IGFBP7: variants seen among roughly 807,000 people sequenced by gnomAD.
IGFBP7 encodes the protein insulin-like growth factor-binding protein 7.
Under a neutral mutation model 29.4 loss-of-function variants are expected in IGFBP7, and 31 were observed. The ratio of observed to expected loss-of-function variants is 1.05; its 90% CI spans 0.79 to 1.42. The LOEUF is 1.42. IGFBP7 is among the 40% of genes most tolerant of loss of function. The pLI is 0.00. For missense variants in IGFBP7, 393 were observed against 395.5 expected, an observed-to-expected ratio of 0.99 and a Z score of 0.05; for synonymous variants, 172 against 174.9, an observed-to-expected ratio of 0.98 and a Z score of 0.13.
chr4:57,057,062 G>A (rs1214245479), intron 1 of IGFBP7, among the ~76,000 whole-genome samples: 1 of 151,998 alleles, frequency 6.6e-6, no homozygotes, highest in Non-Finnish European at 1.5e-5. Flanking sequence ...ATGGAGTATA[G>A]TAGCACGATC....
At chr4:57,060,624 C>T (rs1293491778) in intron 1 of IGFBP7, among the ~76,000 whole-genome samples, 1 of 152,186 alleles carries the variant, frequency 6.6e-6, no homozygotes, top group African/African-American at 2.4e-5. Context: ...TTCCTCATTA[C>T]AGCAAAGGGT....
chr4:57,043,767 G>T (rs947619024), intron 1 of IGFBP7, among the ~76,000 whole-genome samples: 1 of 152,194 alleles, frequency 6.6e-6, no homozygotes, highest in Non-Finnish European at 1.5e-5. Context: ...TGAGCACAGT[G>T]GTGCAGTATT....
chr4:57,054,096 T>C (rs886621424), intron 1 of IGFBP7, among the ~76,000 whole-genome samples: 17 of 152,206 alleles, frequency 1.1e-4, no homozygotes, highest in Admixed American at 8.5e-4. Flanking sequence ...GCCATCCTCC[T>C]GCCTCAGCCT....
intron 1 of IGFBP7, among the ~76,000 whole-genome samples, chr4:57,044,510 T>A (rs1724311826): frequency 6.6e-6 from 1 of 152,244 alleles, no homozygotes; most frequent in African/African-American, 2.4e-5. Context: ...TTTTGCTCCA[T>A]CTTGAATTAA....
intron 2 of IGFBP7, among the ~76,000 whole-genome samples, chr4:57,035,424 G>C (rs34998461): frequency 1.3e-5 from 2 of 151,918 alleles, no homozygotes. Context: ...TCCCTTATTC[G>C]TGTAAGGGGA....
In IGFBP7 at chr4:57,040,086, A is replaced by G. The variant is rs553650618; in HGVS notation, c.585+738T>C. The stretch of plus-strand genomic sequence containing the variant: ...GCTATTCCTCCTCTTGTTCCTTTTT[A>G]ATGCTCTGTTCTGGAGTGGTCTCCT... On this transcript the variant is annotated intron_variant, in intron 2 of 4. Coordinates refer to ENST00000295666, the MANE Select transcript of IGFBP7 (RefSeq NM_001553.3). Among the ~76,000 whole-genome samples the G allele has an allele frequency of 6.6e-5, 10 of 152,106 alleles. No individual in the cohort carries two copies. In the South Asian group the frequency reaches 2.1e-3, roughly 32 times the overall value.
rs57704332 is a variant in IGFBP7 at position 57,084,788 on chromosome 4, G to GTTTTTTTTTTTTTTTTTTTTTTTTTT, written c.475+25088_475+25089insAAAAAAAAAAAAAAAAAAAAAAAAAA. Among the ~76,000 whole-genome samples the GTTTTTTTTTTTTTTTTTTTTTTTTTT allele has an allele frequency of 1.8e-5, 2 of 113,104 alleles. 1 individual carries two copies. 74.2% of individuals were successfully genotyped at this position (113,104 alleles called of 152,430 possible). The stretch of plus-strand genomic sequence containing the variant: ...CTTTTTACTCAGATGTTTAAAAAAG[G>GTTTTTTTTTTTTTTTTTTTTTTTTTT]TTTTTTTTTTTTTTTTTTTTGGGAC... On this transcript the variant is annotated intron_variant, in intron 1 of 4. Transcript: ENST00000295666.
chr4:57,096,633 A>C (rs1396011865), intron 1 of IGFBP7, among the ~76,000 whole-genome samples: 4 of 152,126 alleles, frequency 2.6e-5, no homozygotes, highest in Non-Finnish European at 5.9e-5. Context: ...CAGTAGTCCC[A>C]ATGTTCTGCC....
At chr4:57,053,878 T>C (rs1229888474) in intron 1 of IGFBP7, among the ~76,000 whole-genome samples, 1 of 152,220 alleles carries the variant, frequency 6.6e-6, no homozygotes, top group Non-Finnish European at 1.5e-5. Context: ...ATGTTTTTGC[T>C]AGCGCTTTCT....
intron 1 of IGFBP7, among the ~76,000 whole-genome samples, chr4:57,041,349 G>A: frequency 6.6e-6 from 1 of 151,858 alleles, no homozygotes. Context: ...CGCTCCATGG[G>A]TAATGAAGAA....
intron 1 of IGFBP7, among the ~76,000 whole-genome samples, chr4:57,072,334 T>C (rs1287685392): frequency 3.3e-5 from 5 of 152,182 alleles, no homozygotes; most frequent in Non-Finnish European, 5.9e-5. Flanking sequence ...GATCTCATTC[T>C]TTTTTATGGC....
chr4:57,052,719 C>A (rs547473306), intron 1 of IGFBP7, among the ~76,000 whole-genome samples: 1 of 152,138 alleles, frequency 6.6e-6, no homozygotes, highest in East Asian at 1.9e-4. Context: ...CTGGTGACCG[C>A]GTGCCCAGGT....
At chr4:57,036,805 T>C (rs190207145) in intron 2 of IGFBP7, among the ~76,000 whole-genome samples, 2 of 152,358 alleles carry the variant, frequency 1.3e-5, no homozygotes, top group Admixed American at 1.3e-4. Context: ...ACATGCTGTC[T>C]TTATTTGAGC....
intron 1 of IGFBP7, among the ~76,000 whole-genome samples, chr4:57,101,838 C>T (rs1242566302): frequency 2.0e-5 from 3 of 152,084 alleles, no homozygotes; most frequent in African/African-American, 4.8e-5. Context: ...TCCTCCACTG[C>T]TATCCCCACA....
At chr4:57,088,048 A>T (rs1331084910) in intron 1 of IGFBP7, among the ~76,000 whole-genome samples, 1 of 152,190 alleles carries the variant, frequency 6.6e-6, no homozygotes, top group African/African-American at 2.4e-5. Context: ...GGCTCACTGC[A>T]GCCTCAAATT....
At chr4:57,052,114 G>A (rs1235061361) in intron 1 of IGFBP7, among the ~76,000 whole-genome samples, 3 of 152,096 alleles carry the variant, frequency 2.0e-5, no homozygotes, top group Non-Finnish European at 4.4e-5. Context: ...GGAGGTCTCC[G>A]CATCAGGATG....
intron 1 of IGFBP7, among the ~76,000 whole-genome samples, chr4:57,044,077 A>G (rs934709825): frequency 6.6e-6 from 1 of 152,134 alleles, no homozygotes; most frequent in African/African-American, 2.4e-5. Flanking sequence ...TTTGAGGGGG[A>G]GCTCGGGAAC....
At chr4:57,094,796 C>T (rs554886288) in intron 1 of IGFBP7, among the ~76,000 whole-genome samples, 1 of 152,210 alleles carries the variant, frequency 6.6e-6, no homozygotes, top group Non-Finnish European at 1.5e-5. Context: ...CACTGTCAAT[C>T]CTCACTATTT....
rs1307554754 is a variant in IGFBP7 at position 57,110,266 on chromosome 4, G to C, written c.86C>G (p.Ser29Trp). Residue 29 changes from serine (S) to tryptophan (W), a missense_variant, in exon 1 of 5, where the codon TCG (serine) becomes TGG (tryptophan). Coordinates refer to ENST00000295666, the MANE Select transcript of IGFBP7 (RefSeq NM_001553.3). ...LLLPLSSSSS[S>W]DTCGPCEPAS... ...CGGCTCGCAGGGGCCGCAGGTGTCC[G>C]AAGAGGAGGAAGAGGAGAGGGGCAG... The C allele has an allele frequency of 7.0e-6, 10 of 1,421,922 alleles. No individual in the cohort carries two copies. Among genetic ancestry groups the C allele is most frequent in the Non-Finnish European group, 9.2e-6 (10 of 1,088,992 alleles). The allele number at this position is 1,421,922 out of a possible 1,614,324, so 88.1% of individuals were successfully genotyped here. A position where few individuals can be genotyped will look rare whatever the true frequency, so the allele number is the denominator to read the frequency against.
Sources: allele counts gnomAD v4.1 joint callset (sites outside exome capture counted in the v4.1 genomes callset), GRCh38; gene constraint gnomAD v4.1.1; transcripts MANE v1.5; gene names NCBI Gene and HGNC (gene_info 2026-07-23, HGNC 2026-07-21).